Variants in CTNND2 observed in about 807,000 individuals in gnomAD.
CTNND2 encodes the protein catenin delta 2, also known as catenin delta-2.
A neutral mutation model predicts 144.4 loss-of-function variants in CTNND2; 22 were observed. The ratio of observed to expected loss-of-function variants is 0.15; its 90% CI spans 0.11 to 0.22. The LOEUF (loss-of-function observed/expected upper bound fraction) is 0.22, where lower values mean the gene tolerates loss of function less well. Ranked by LOEUF, CTNND2 falls within the 10% of genes least tolerant of loss-of-function variation. The pLI is 1.00. For synonymous variants in CTNND2, 751 were observed against 695.6 expected, an observed-to-expected ratio of 1.08 and a Z score of -1.25; for missense variants, 1,353 against 1,618.8, an observed-to-expected ratio of 0.84 and a Z score of 2.82.
intron 2 of CTNND2, among the ~76,000 whole-genome samples, chr5:11,615,473 A>C (rs1233465580): frequency 2.0e-5 from 3 of 152,354 alleles, no homozygotes; most frequent in Admixed American, 6.5e-5. Flanking sequence ...ATGACTATAC[A>C]TTTTTAAGTA....
intron 1 of CTNND2, among the ~76,000 whole-genome samples, chr5:11,796,202 T>A (rs1791392198): frequency 6.6e-6 from 1 of 152,172 alleles, no homozygotes; most frequent in African/African-American, 2.4e-5. Context: ...AGTAGCAACC[T>A]CAACTGCATC....
intron 2 of CTNND2, among the ~76,000 whole-genome samples, chr5:11,634,214 A>G (rs893509838): frequency 6.6e-6 from 1 of 152,314 alleles, no homozygotes; most frequent in South Asian, 2.1e-4. Flanking sequence ...CTGGTTGTAC[A>G]TAATGCCATA....
chr5:11,184,142 C>G (rs1434984343), intron 11 of CTNND2, among the ~76,000 whole-genome samples: 3 of 152,166 alleles, frequency 2.0e-5, no homozygotes, highest in Non-Finnish European at 1.5e-5. Context: ...ATGCATATTA[C>G]TGCCTCTCAC....
chr5:11,383,151 C>G (rs558987077), intron 7 of CTNND2, among the ~76,000 whole-genome samples: 194 of 152,160 alleles, frequency 1.3e-3, no homozygotes, highest in Non-Finnish European at 2.0e-3. Context: ...GAACTGGAAG[C>G]TAAGACTCCT....
chr5:11,405,505 C>T (rs561480823), intron 5 of CTNND2, among the ~76,000 whole-genome samples: 4 of 151,872 alleles, frequency 2.6e-5, no homozygotes, highest in African/African-American at 9.7e-5. Context: ...TCACTTGAAC[C>T]CAGGAGATAG....
At chr5:11,750,707 A>G (rs1304718647) in intron 1 of CTNND2, among the ~76,000 whole-genome samples, 2 of 151,848 alleles carry the variant, frequency 1.3e-5, no homozygotes, top group Admixed American at 1.3e-4. Context: ...GGTTTGCGTC[A>G]AGATTCAAAA....
chr5:11,364,893 G>A lies in CTNND2; in HGVS notation c.1178-3C>T, dbSNP rs763302456. On this transcript the variant is annotated splice_region_variant and splice_polypyrimidine_tract_variant and intron_variant, in intron 7 of 21. Transcript: ENST00000304623. ...GCTGTATGAGGCTCGGGAACCAGCT[G>A]AAATAAATCAACAGAGGGACATCAA... is the stretch of plus-strand genomic sequence containing the variant. 3.1e-6 allele frequency: 5 copies of A among 1,609,568 alleles called. No homozygotes were observed. Among genetic ancestry groups the A allele is most frequent in the Non-Finnish European group, 3.4e-6 (4 of 1,178,262 alleles).
chr5:11,614,682 C>T (rs563473771), intron 2 of CTNND2, among the ~76,000 whole-genome samples: 61 of 152,280 alleles, frequency 4.0e-4, no homozygotes, highest in African/African-American at 1.0e-3. Flanking sequence ...AGTCACATGA[C>T]GGAATATTCT....
At chr5:11,517,874 C>T (rs1290519560) in intron 3 of CTNND2, among the ~76,000 whole-genome samples, 2 of 151,966 alleles carry the variant, frequency 1.3e-5, no homozygotes, top group Non-Finnish European at 2.9e-5. Flanking sequence ...TTGAAGTACA[C>T]GATGCAGTAT....
chr5:11,086,400 AC>A (rs1462777555), intron 15 of CTNND2, among the ~76,000 whole-genome samples: 1 of 152,048 alleles, frequency 6.6e-6, no homozygotes, highest in African/African-American at 2.4e-5. Context: ...TACCTGTAAG[AC>A]CCCCAAGTTT....
intron 2 of CTNND2, among the ~76,000 whole-genome samples, chr5:11,610,755 A>G (rs754765275): frequency 7.9e-5 from 12 of 152,212 alleles, no homozygotes; most frequent in Non-Finnish European, 1.5e-4. Flanking sequence ...GCTATCAATG[A>G]CATATTAGAG....
chr5:11,706,363 C>T (rs1036019677), intron 2 of CTNND2, among the ~76,000 whole-genome samples: 3 of 152,108 alleles, frequency 2.0e-5, no homozygotes, highest in African/African-American at 2.4e-5. Flanking sequence ...AAATATGGGC[C>T]GAGCAAGGGA....
intron 16 of CTNND2, among the ~76,000 whole-genome samples, chr5:11,066,709 T>C (rs1009647842): frequency 2.0e-5 from 3 of 152,172 alleles, no homozygotes; most frequent in African/African-American, 7.2e-5. Flanking sequence ...CTCTTTTCGT[T>C]GACACCTCCA....
chr5:11,315,684 G>A (rs996896081), intron 9 of CTNND2, among the ~76,000 whole-genome samples: 1 of 152,094 alleles, frequency 6.6e-6, no homozygotes, highest in Non-Finnish European at 1.5e-5. Flanking sequence ...TGTAGAACAT[G>A]TTAGACTTTT....
chr5:11,256,405 AC>A (rs1744250547), intron 9 of CTNND2, among the ~76,000 whole-genome samples: 1 of 152,174 alleles, frequency 6.6e-6, no homozygotes, highest in South Asian at 2.1e-4. Flanking sequence ...GAAACTTGAC[AC>A]TTATTTGTGT....
intron 2 of CTNND2, among the ~76,000 whole-genome samples, chr5:11,622,316 T>C (rs1286878476): frequency 6.6e-6 from 1 of 152,314 alleles, no homozygotes; most frequent in South Asian, 2.1e-4. Flanking sequence ...ACTTATTTTC[T>C]TGCCAGCATA....
chr5:11,089,260 A>AAAT (rs34256624), intron 15 of CTNND2, among the ~76,000 whole-genome samples: 22,202 of 152,080 alleles, frequency 0.15, 1,993 homozygotes, highest in African/African-American at 0.26. Context: ...GCACTCTCCT[A>AAAT]AATACTATGC....
At chr5:11,206,242 C>T (rs1252950951) in intron 10 of CTNND2, among the ~76,000 whole-genome samples, 7 of 152,188 alleles carry the variant, frequency 4.6e-5, no homozygotes, top group East Asian at 3.9e-4. Flanking sequence ...AACTGTGAGA[C>T]GAGCAGTGAA....
intron 15 of CTNND2, among the ~76,000 whole-genome samples, chr5:11,089,551 T>C (rs1750546962): frequency 6.6e-6 from 1 of 152,220 alleles, no homozygotes; most frequent in African/African-American, 2.4e-5. Context: ...TTAAACTGTT[T>C]AATTGATGAA....
Sources: gnomAD v4.1 joint callset for allele counts (sites outside exome capture counted in the v4.1 genomes callset) on GRCh38, gnomAD v4.1.1 for gene constraint, MANE v1.5 for transcripts, NCBI Gene and HGNC (gene_info 2026-07-23, HGNC 2026-07-21) for gene names.